The following G3BP1 variants were observed in gnomAD, a reference collection of about 807,000 sequenced individuals.
The protein encoded by G3BP1 is G3BP stress granule assembly factor 1.
G3BP1 carries 35 observed loss-of-function variants against 58.6 expected under a neutral mutation model. The observed-to-expected ratio is 0.60, with a 90% confidence interval of 0.46 to 0.79. G3BP1 has a LOEUF of 0.79. Among genes scored for constraint, G3BP1 ranks in the 30% least tolerant of loss-of-function variants. G3BP1 has a pLI of 0.00. For synonymous variants in G3BP1, 191 were observed against 195.4 expected, an observed-to-expected ratio of 0.98 and a Z score of 0.19; for missense variants, 523 against 580.8, an observed-to-expected ratio of 0.90 and a Z score of 1.02.
At chr5:151,780,812 G>T (rs1762457448) in intron 1 of G3BP1, among the ~76,000 whole-genome samples, 1 of 152,252 alleles carries the variant, frequency 6.6e-6, no homozygotes, top group South Asian at 2.1e-4. Flanking sequence ...GCGCCTGGCT[G>T]ATAATGCTCA....
Position 151,797,193 on chromosome 5 carries a change from G to A in G3BP1, c.540-34G>A, listed in dbSNP as rs755660391. 4 of 1,604,134 alleles carry A rather than the reference G, an allele frequency of 2.5e-6. No individual in the cohort carries two copies. In the African/African-American group the frequency reaches 5.4e-5, roughly 21 times the overall value. On this transcript the variant is annotated intron_variant, in intron 6 of 11. Transcript: ENST00000356245. Reference sequence around the variant, plus strand: ...GGAATTTTTTGTGAAATAAATGGTGGCAGAATGATATTTCTCAAATTTTCC... The same window carrying A: ...GGAATTTTTTGTGAAATAAATGGTGACAGAATGATATTTCTCAAATTTTCC...
chr5:151,806,271 T>G lies in G3BP1; in HGVS notation c.*2180T>G, dbSNP rs1043437974. ...AACAAACTAGGAAATGGAAATCTGT[T>G]TCAAGAATTGCAGTAACATCTACTC... is the stretch of plus-strand genomic sequence containing the variant. On this transcript the variant is annotated 3_prime_UTR_variant, in exon 12 of 12. Coordinates refer to ENST00000356245, the MANE Select transcript of G3BP1 (RefSeq NM_005754.3). 19 of 152,224 alleles carry G rather than the reference T, an allele frequency of 1.2e-4. No homozygotes were observed. Among genetic ancestry groups the G allele is most frequent in the African/African-American group, 4.1e-4 (17 of 41,462 alleles). The allele number at this position is 152,224 out of a possible 1,614,324, so 9.4% of individuals were successfully genotyped here. A position where few individuals can be genotyped will look rare whatever the true frequency, so the allele number is the denominator to read the frequency against.
rs1467838198 is a variant in G3BP1 at position 151,786,882 on chromosome 5, G to A, written c.95+167G>A. The A allele has an allele frequency of 1.8e-5, 10 of 549,356 alleles. No homozygotes were observed. In the East Asian group the frequency reaches 3.2e-4, roughly 17 times the overall value. The allele number at this position is 549,356 out of a possible 1,614,324, so 34.0% of individuals were successfully genotyped here. A position where few individuals can be genotyped will look rare whatever the true frequency, so the allele number is the denominator to read the frequency against. ...ATTTGAGACAGAGTCTCGCCCTGTT[G>A]TCCAGACTGGAGTGCAGTGGTGCGA... On this transcript the variant is annotated intron_variant, in intron 2 of 11. Transcript: ENST00000356245.
intron 10 of G3BP1, 71 bp from the exon 11 acceptor site, chr5:151,800,689 T>G (rs573639517): frequency 1.1e-6 from 1 of 928,728 alleles, no homozygotes; most frequent in East Asian, 2.4e-5. Context: ...GGCTACTGTA[T>G]TGGACTGTGT....
At position 151,808,039 on chromosome 5, in the gene G3BP1, T is replaced by G. The variant is rs955363003; in HGVS notation, c.*3948T>G. ...TATCAGGTTTTAGCTAACTGCCTAA[T>G]GTACCAAAAAAAAATTAGCAATGTC... On this transcript the variant is annotated 3_prime_UTR_variant, in exon 12 of 12. Coordinates refer to ENST00000356245, the MANE Select transcript of G3BP1 (RefSeq NM_005754.3). 1 of 152,216 alleles carries G rather than the reference T, an allele frequency of 6.6e-6. No homozygotes were observed. The highest frequency in any genetic ancestry group is 2.1e-4 in the South Asian group (1 of 4,834). 9.4% of individuals were successfully genotyped at this position (152,216 alleles called of 1,614,324 possible).
At chr5:151,779,622 C>T (rs562277468) in intron 1 of G3BP1, among the ~76,000 whole-genome samples, 1 of 152,230 alleles carries the variant, frequency 6.6e-6, no homozygotes, top group African/African-American at 2.4e-5. Flanking sequence ...TATTTGGCAA[C>T]TGATTTTTCT....
At chr5:151,787,930 TGAGAGA>T (rs144682085) in intron 2 of G3BP1, 2 of 164,560 alleles carry the variant, frequency 1.2e-5, no homozygotes, top group African/African-American at 2.4e-5. Flanking sequence ...TGTGTGTGTG[TGAGAGA>T]GAGAGAGAGA....
At position 151,804,614 on chromosome 5, in the gene G3BP1, A is replaced by G. The variant is rs1194690753; in HGVS notation, c.*523A>G. 3 of 152,648 alleles carry G rather than the reference A, an allele frequency of 2.0e-5. No homozygotes were observed. Among genetic ancestry groups the G allele is most frequent in the African/African-American group, 7.2e-5 (3 of 41,454 alleles). 9.5% of individuals were successfully genotyped at this position (152,648 alleles called of 1,614,324 possible). ...GAAATTGCCATTGGAAAATTTGACAATTTTGATTCTCACTGGTATGTTTAA... is the reference window on the plus strand; with the variant it reads ...GAAATTGCCATTGGAAAATTTGACAGTTTTGATTCTCACTGGTATGTTTAA... On this transcript the variant is annotated 3_prime_UTR_variant, in exon 12 of 12. Coordinates refer to ENST00000356245, the MANE Select transcript of G3BP1 (RefSeq NM_005754.3).
chr5:151,786,351 G>A (rs998294116), intron 1 of G3BP1, among the ~76,000 whole-genome samples: 1 of 152,126 alleles, frequency 6.6e-6, no homozygotes, highest in African/African-American at 2.4e-5. Context: ...AGGTTCTTAC[G>A]TCTTGAATAT....
chr5:151,798,307 C>T (rs969531059), intron 7 of G3BP1, among the ~76,000 whole-genome samples: 3 of 152,044 alleles, frequency 2.0e-5, no homozygotes, highest in African/African-American at 7.2e-5. Context: ...TATGATTATG[C>T]CACTGCATTC....
chr5:151,805,218 A>AT lies in G3BP1; in HGVS notation c.*1138dup, dbSNP rs879695914. 0.012 allele frequency: 1,738 copies of AT among 145,476 alleles called. 14 individuals are homozygous for AT. Among genetic ancestry groups the AT allele is most frequent in the African/African-American group, 0.022 (883 of 39,790 alleles). 9.0% of individuals were successfully genotyped at this position (145,476 alleles called of 1,614,324 possible). A position where few individuals can be genotyped will look rare whatever the true frequency, so the allele number is the denominator to read the frequency against. Reference sequence around the variant, plus strand: ...ACTTTGCTCATGTGCTCGTGTCCGCATTTTTTTTTTTCTTAAAATCATAGC... The same window carrying AT: ...ACTTTGCTCATGTGCTCGTGTCCGCATTTTTTTTTTTTCTTAAAATCATAGC... On this transcript the variant is annotated 3_prime_UTR_variant, in exon 12 of 12. Transcript: ENST00000356245.
At position 151,809,134 on chromosome 5, in the gene G3BP1, C is replaced by A. The variant is rs562473779; in HGVS notation, c.*5043C>A. 9 of 152,302 alleles carry A rather than the reference C, an allele frequency of 5.9e-5. No individual in the cohort carries two copies. In the East Asian group the frequency reaches 1.4e-3, roughly 23 times the overall value. The allele number at this position is 152,302 out of a possible 1,614,324, so 9.4% of individuals were successfully genotyped here. ...GAGGCTGCAGTGAGTTATGATCATA[C>A]CACTGCACTCTAACCTGGGTGACAG... On this transcript the variant is annotated 3_prime_UTR_variant, in exon 12 of 12. Coordinates refer to ENST00000356245, the MANE Select transcript of G3BP1 (RefSeq NM_005754.3).
chr5:151,791,143 C>T, intron 4 of G3BP1, 81 bp downstream of exon 4: 2 of 1,199,464 alleles, frequency 1.7e-6, no homozygotes, highest in Non-Finnish European at 2.5e-6. Context: ...TCTTTAAAAA[C>T]ACTTGAAATT....
intron 7 of G3BP1, among the ~76,000 whole-genome samples, chr5:151,798,793 C>G (rs953815557): frequency 6.6e-6 from 1 of 152,096 alleles, no homozygotes; most frequent in African/African-American, 2.4e-5. Flanking sequence ...AGTGAGACTT[C>G]ATCTCTACTA....
chr5:151,796,551 T>C (rs1239150949), intron 6 of G3BP1, among the ~76,000 whole-genome samples: 1 of 152,134 alleles, frequency 6.6e-6, no homozygotes, highest in Non-Finnish European at 1.5e-5. Context: ...TACAGGTGTG[T>C]GCCCAGCCCC....
At chr5:151,791,159 C>G in intron 4 of G3BP1, 97 bp downstream of exon 4, 3 of 1,076,438 alleles carry the variant, frequency 2.8e-6, no homozygotes, top group Non-Finnish European at 4.3e-6. Flanking sequence ...AAATTTCAGA[C>G]TTACAGAAAA....
chr5:151,791,769 G>T (rs567086607), intron 4 of G3BP1: 3 of 194,894 alleles, frequency 1.5e-5, no homozygotes, highest in East Asian at 1.6e-4. Context: ...CTGTCCTCCT[G>T]ACTCAGCCTC....
chr5:151,802,588 T>TA (rs1393190539), intron 11 of G3BP1, among the ~76,000 whole-genome samples: 1 of 152,312 alleles, frequency 6.6e-6, no homozygotes, highest in African/African-American at 2.4e-5. Flanking sequence ...TGCTAGTCCT[T>TA]AAAGTAGGTA....
intron 1 of G3BP1, among the ~76,000 whole-genome samples, chr5:151,782,850 T>A (rs1387883263): frequency 2.5e-5 from 1 of 40,746 alleles, no homozygotes; most frequent in Admixed American, 2.1e-4. Context: ...GTGACTCATC[T>A]TTTTTTTTTT....
Sources: gnomAD v4.1 joint callset for allele counts (sites outside exome capture counted in the v4.1 genomes callset) on GRCh38, gnomAD v4.1.1 for gene constraint, MANE v1.5 for transcripts, NCBI Gene and HGNC (gene_info 2026-07-23, HGNC 2026-07-21) for gene names.